The following CCDC195 variants were observed in gnomAD, a reference collection of about 807,000 sequenced individuals.
CCDC195 encodes the protein coiled-coil domain containing 195, also known as coiled-coil domain-containing protein 195.
Position 224,703,897 on chromosome 2 carries a change from G to A in CCDC195, c.483-10C>T, listed in dbSNP as rs1367624250. On this transcript the variant is annotated splice_polypyrimidine_tract_variant and intron_variant, in intron 2 of 2. Transcript: ENST00000638102. ...TGCCTTTGTCTTGTCCCTACAGGAA[G>A]CAAAATAAAGGGAAGAAAAAGACTT... The A allele has an allele frequency of 2.5e-6, 1 of 398,326 alleles. No homozygotes were observed. Among genetic ancestry groups the A allele is most frequent in the African/African-American group, 2.1e-5 (1 of 48,594 alleles). The allele number at this position is 398,326 out of a possible 1,614,324, so 24.7% of individuals were successfully genotyped here.
At chr2:224,710,053 T>C (rs1016698405) in exon 2 of CCDC195, 2 of 398,500 alleles carry the variant, frequency 5.0e-6, no homozygotes, top group Non-Finnish European at 8.8e-6. Context: ...ACACCTTTTC[T>C]TCCATGTCTT....
At chr2:224,710,365 T>G (rs768173836) in intron 1 of CCDC195, 146 bp from the exon 2 acceptor site, 2 of 390,578 alleles carry the variant, frequency 5.1e-6, no homozygotes, top group African/African-American at 2.1e-5. Flanking sequence ...CCATTTGGCC[T>G]GGCGCGGTGG....
chr2:224,706,144 G>GT (rs1192674897), intron 2 of CCDC195, among the ~76,000 whole-genome samples: 2 of 70,662 alleles, frequency 2.8e-5, no homozygotes, highest in Non-Finnish European at 5.8e-5. Flanking sequence ...GAAGAGTTTT[G>GT]TTTTTAAACA....
At chr2:224,709,841 A>G (rs980273994) in intron 2 of CCDC195, 132 bp downstream of exon 2, 4 of 396,918 alleles carry the variant, frequency 1.0e-5, no homozygotes, top group Non-Finnish European at 1.8e-5. Context: ...TGACATAGGT[A>G]ATATGGAAAT....
chr2:224,705,563 T>C (rs867077627), intron 2 of CCDC195, among the ~76,000 whole-genome samples: 1 of 152,328 alleles, frequency 6.6e-6, no homozygotes, highest in South Asian at 2.1e-4. Context: ...AATTGGTTCT[T>C]GATAAATATT....
At chr2:224,706,635 C>T (rs890950121) in intron 2 of CCDC195, among the ~76,000 whole-genome samples, 2 of 150,748 alleles carry the variant, frequency 1.3e-5, no homozygotes, top group African/African-American at 2.4e-5. Flanking sequence ...CTCAGCCTCC[C>T]AAGTAGCTGA....
chr2:224,710,497 G>C (rs1259053777), intron 1 of CCDC195, among the ~76,000 whole-genome samples: 1 of 152,136 alleles, frequency 6.6e-6, no homozygotes, highest in Non-Finnish European at 1.5e-5. Context: ...AATTAGCCAG[G>C]CGTGGTGGCG....
intron 2 of CCDC195, among the ~76,000 whole-genome samples, chr2:224,709,708 G>A (rs965928666): frequency 6.6e-6 from 1 of 152,178 alleles, no homozygotes; most frequent in Admixed American, 6.5e-5. Flanking sequence ...CCAGTGCCTG[G>A]CTTAGAATAT....
At chr2:224,715,350 C>T (rs1019294302) in intron 1 of CCDC195, among the ~76,000 whole-genome samples, 4 of 152,034 alleles carry the variant, frequency 2.6e-5, no homozygotes, top group African/African-American at 9.7e-5. Flanking sequence ...ATTTCTGACC[C>T]CATGTGTAAT....
At chr2:224,705,096 A>C (rs768738703) in intron 2 of CCDC195, among the ~76,000 whole-genome samples, 1 of 152,136 alleles carries the variant, frequency 6.6e-6, no homozygotes, top group Non-Finnish European at 1.5e-5. Context: ...AGAAGAGTAA[A>C]CTGTGACACA....
chr2:224,713,292 T>C (rs1045388146), intron 1 of CCDC195, among the ~76,000 whole-genome samples: 3 of 152,186 alleles, frequency 2.0e-5, no homozygotes, highest in African/African-American at 7.2e-5. Context: ...AATAATAATA[T>C]TTTTCTGACA....
chr2:224,713,732 C>T (rs1283079850), intron 1 of CCDC195, among the ~76,000 whole-genome samples: 2 of 151,860 alleles, frequency 1.3e-5, no homozygotes, highest in African/African-American at 4.8e-5. Flanking sequence ...ATCTAAATCA[C>T]ATTTCTTTCT....
At position 224,709,956 on chromosome 2, in the gene CCDC195, A is replaced by G. The variant is rs1170326478; in HGVS notation, c.482+17T>C. The G allele has an allele frequency of 2.5e-6, 1 of 398,598 alleles. No homozygotes were observed. Among genetic ancestry groups the G allele is most frequent in the East Asian group, 3.6e-5 (1 of 28,070 alleles). 24.7% of individuals were successfully genotyped at this position (398,598 alleles called of 1,614,324 possible). A position where few individuals can be genotyped will look rare whatever the true frequency, so the allele number is the denominator to read the frequency against. ...AGTATGGGCCTATTCACCAGCTTGA[A>G]GTGTATTTTACATTACCTGCAACCA... On this transcript the variant is annotated intron_variant, in intron 2 of 2. Coordinates refer to ENST00000638102, the Ensembl canonical transcript of CCDC195.
intron 1 of CCDC195, among the ~76,000 whole-genome samples, chr2:224,712,525 T>A (rs1180366365): frequency 6.6e-6 from 1 of 152,194 alleles, no homozygotes; most frequent in Non-Finnish European, 1.5e-5. Flanking sequence ...GTGTCTGGGC[T>A]GTAGCGTAGC....
At chr2:224,714,108 G>C (rs1458565931) in intron 1 of CCDC195, among the ~76,000 whole-genome samples, 6 of 152,062 alleles carry the variant, frequency 3.9e-5, no homozygotes, top group Non-Finnish European at 7.4e-5. Flanking sequence ...CCAAAGCGCT[G>C]GGATTACAGG....
intron 2 of CCDC195, among the ~76,000 whole-genome samples, chr2:224,706,188 A>ATT (rs1697238096): frequency 5.9e-5 from 3 of 51,108 alleles, no homozygotes; most frequent in Admixed American, 4.7e-4. Flanking sequence ...ATATTTTGTA[A>ATT]CTTTTTTTTT....
intron 2 of CCDC195, among the ~76,000 whole-genome samples, chr2:224,706,189 C>CTTATTT (rs1697238244): frequency 3.0e-5 from 1 of 33,340 alleles, no homozygotes; most frequent in African/African-American, 1.6e-4. Flanking sequence ...TATTTTGTAA[C>CTTATTT]TTTTTTTTTT....
At chr2:224,706,155 T>C (rs1253863135) in intron 2 of CCDC195, among the ~76,000 whole-genome samples, 5 of 149,974 alleles carry the variant, frequency 3.3e-5, no homozygotes, top group Non-Finnish European at 5.9e-5. Context: ...TTTTTAAACA[T>C]TTTTACTTTG....
intron 1 of CCDC195, among the ~76,000 whole-genome samples, chr2:224,712,588 C>T (rs1689329358): frequency 6.6e-6 from 1 of 152,164 alleles, no homozygotes. Flanking sequence ...TCACAGAGAG[C>T]CTCACTTTAT....
Sources: gnomAD v4.1 joint callset for allele counts (sites outside exome capture counted in the v4.1 genomes callset) on GRCh38, gnomAD v4.1.1 for gene constraint, MANE v1.5 for transcripts, NCBI Gene and HGNC (gene_info 2026-07-23, HGNC 2026-07-21) for gene names.